The following CTNNA2 variants were observed in gnomAD, a reference collection of about 807,000 sequenced individuals.
CTNNA2 encodes catenin alpha 2.
Under a neutral mutation model 101.0 loss-of-function variants are expected in CTNNA2, and 42 were observed. The ratio of observed to expected loss-of-function variants is 0.42; its 90% CI spans 0.32 to 0.54. The LOEUF (loss-of-function observed/expected upper bound fraction) is 0.54. Among genes scored for constraint, CTNNA2 ranks in the 20% least tolerant of loss-of-function variants. The pLI is 0.14. For synonymous variants in CTNNA2, 450 were observed against 456.4 expected, an observed-to-expected ratio of 0.99 and a Z score of 0.18; for missense variants, 871 against 1,223.1, an observed-to-expected ratio of 0.71 and a Z score of 4.29.
chr2:79,185,808 C>CT (rs1448273531), intron 1 of CTNNA2, among the ~76,000 whole-genome samples: 1 of 151,850 alleles, frequency 6.6e-6, no homozygotes, highest in Non-Finnish European at 1.5e-5. Flanking sequence ...TTTTGAGTTT[C>CT]TTTTTTCTGA....
intron 9 of CTNNA2, among the ~76,000 whole-genome samples, chr2:80,538,735 A>G (rs2149611730): frequency 6.6e-6 from 1 of 152,288 alleles, no homozygotes; most frequent in Non-Finnish European, 1.5e-5. Context: ...CATGAAATTT[A>G]AAGTAGTTTT....
At chr2:79,264,583 G>A (rs1174815483) in intron 2 of CTNNA2, among the ~76,000 whole-genome samples, 1 of 152,044 alleles carries the variant, frequency 6.6e-6, no homozygotes, top group African/African-American at 2.4e-5. Context: ...CAGACTGAGT[G>A]AAATTAATCC....
chr2:79,285,027 G>C (rs922996376), intron 2 of CTNNA2, among the ~76,000 whole-genome samples: 14 of 132,272 alleles, frequency 1.1e-4, no homozygotes, highest in Non-Finnish European at 1.9e-4. Context: ...ATTTCTTCTA[G>C]ATTTTCTAGT....
At chr2:79,402,306 A>G (rs1678298235) in intron 4 of CTNNA2, among the ~76,000 whole-genome samples, 1 of 151,734 alleles carries the variant, frequency 6.6e-6, no homozygotes, top group South Asian at 2.1e-4. Context: ...TGAACTATTA[A>G]TATAAACCTC....
intron 7 of CTNNA2, among the ~76,000 whole-genome samples, chr2:79,939,639 T>C (rs1479936869): frequency 6.6e-6 from 1 of 152,190 alleles, no homozygotes; most frequent in Non-Finnish European, 1.5e-5. Flanking sequence ...ATTTTGTCAA[T>C]AAACTCAATT....
chr2:80,561,958 G>C (rs184765344), intron 12 of CTNNA2, among the ~76,000 whole-genome samples: 60 of 151,222 alleles, frequency 4.0e-4, no homozygotes, highest in Admixed American at 1.3e-3. Context: ...TTACAGGCAT[G>C]AGCCACCGCG....
At chr2:80,185,543 T>C (rs1573332068) in intron 7 of CTNNA2, among the ~76,000 whole-genome samples, 1 of 152,326 alleles carries the variant, frequency 6.6e-6, no homozygotes, top group East Asian at 1.9e-4. Context: ...GGGTTTAATG[T>C]TCTAAAAGAT....
chr2:79,387,353 G>T (rs566078066), intron 4 of CTNNA2, among the ~76,000 whole-genome samples: 14 of 152,252 alleles, frequency 9.2e-5, no homozygotes, highest in African/African-American at 3.4e-4. Flanking sequence ...TATTTACTAA[G>T]CTTTCTATTT....
chr2:79,428,342 C>T (rs1159192210), intron 4 of CTNNA2, among the ~76,000 whole-genome samples: 1 of 152,032 alleles, frequency 6.6e-6, no homozygotes, highest in Non-Finnish European at 1.5e-5. Flanking sequence ...CTGCTATATG[C>T]TCAGTAAGGC....
intron 7 of CTNNA2, among the ~76,000 whole-genome samples, chr2:79,916,337 G>T (rs1200392375): frequency 6.6e-6 from 1 of 151,986 alleles, no homozygotes; most frequent in South Asian, 2.1e-4. Flanking sequence ...CTACATTGGT[G>T]CCTGTGGTGA....
intron 1 of CTNNA2, among the ~76,000 whole-genome samples, chr2:79,592,106 G>T (rs1676894590): frequency 7.2e-6 from 1 of 139,262 alleles, no homozygotes; most frequent in African/African-American, 2.7e-5. Context: ...GTGAAAAGAT[G>T]AATTACTTCT....
chr2:80,184,667 G>A (rs1426281372), intron 7 of CTNNA2, among the ~76,000 whole-genome samples: 2 of 151,976 alleles, frequency 1.3e-5, no homozygotes, highest in East Asian at 3.9e-4. Context: ...AATGGATTGG[G>A]GTATATCCAG....
intron 1 of CTNNA2, among the ~76,000 whole-genome samples, chr2:79,577,429 G>A (rs1365292403): frequency 6.6e-6 from 1 of 151,912 alleles, no homozygotes; most frequent in Non-Finnish European, 1.5e-5. Flanking sequence ...GTTATTTTGG[G>A]TCACTTTACA....
chr2:80,108,098 C>T (rs1701000493), intron 7 of CTNNA2, among the ~76,000 whole-genome samples: 1 of 152,166 alleles, frequency 6.6e-6, no homozygotes, highest in Admixed American at 6.5e-5. Flanking sequence ...GAATGTGTTA[C>T]TCTTCCCAGA....
At chr2:79,783,654 A>G (rs1674620155) in intron 3 of CTNNA2, among the ~76,000 whole-genome samples, 1 of 152,078 alleles carries the variant, frequency 6.6e-6, no homozygotes, top group African/African-American at 2.4e-5. Flanking sequence ...TACCATGTTC[A>G]TCTCCAGGAC....
At chr2:79,775,428 A>G (rs537460669) in intron 3 of CTNNA2, among the ~76,000 whole-genome samples, 1 of 152,342 alleles carries the variant, frequency 6.6e-6, no homozygotes, top group South Asian at 2.1e-4. Flanking sequence ...AATACAAAGG[A>G]TCAAAGCATA....
At chr2:80,460,025 C>T (rs1159797270) in intron 9 of CTNNA2, among the ~76,000 whole-genome samples, 1 of 152,144 alleles carries the variant, frequency 6.6e-6, no homozygotes, top group Non-Finnish European at 1.5e-5. Context: ...CCCCTGACTT[C>T]TCAGATACTT....
chr2:79,462,866 A>G (rs918324880), intron 4 of CTNNA2, among the ~76,000 whole-genome samples: 4 of 152,134 alleles, frequency 2.6e-5, no homozygotes, highest in African/African-American at 9.7e-5. Context: ...TATTTTGTCT[A>G]TGGTTGGAAA....
intron 4 of CTNNA2, among the ~76,000 whole-genome samples, chr2:79,487,551 T>C (rs972894492): frequency 6.6e-6 from 1 of 152,062 alleles, no homozygotes; most frequent in Non-Finnish European, 1.5e-5. Flanking sequence ...ACGCTGGGAG[T>C]TGCCTACATA....
Sources: allele counts gnomAD v4.1 joint callset (sites outside exome capture counted in the v4.1 genomes callset), GRCh38; gene constraint gnomAD v4.1.1; transcripts MANE v1.5; gene names NCBI Gene and HGNC (gene_info 2026-07-23, HGNC 2026-07-21).